Variants in TOX3 observed in about 807,000 individuals in gnomAD.
The protein encoded by TOX3 is TOX high mobility group box family member 3, also known as CAG trinucleotide repeat-containing gene F9 protein.
Under a neutral mutation model 64.3 loss-of-function variants are expected in TOX3, and 22 were observed. That is an observed-to-expected ratio of 0.34 (90% CI 0.24 to 0.49). The LOEUF is 0.49. TOX3 is among the 20% of genes least tolerant of loss of function. TOX3 has a pLI of 0.99. For synonymous variants in TOX3, 291 were observed against 273.6 expected, an observed-to-expected ratio of 1.06 and a Z score of -0.63; for missense variants, 661 against 714.4, an observed-to-expected ratio of 0.93 and a Z score of 0.85.
chr16:52,461,409 C>G (rs2151753846), intron 3 of TOX3, among the ~76,000 whole-genome samples: 1 of 152,216 alleles, frequency 6.6e-6, no homozygotes, highest in Middle Eastern at 3.4e-3. Context: ...TCACTGGACT[C>G]TTTTTAATCC....
At chr16:52,476,499 T>A (rs894381499) in intron 1 of TOX3, among the ~76,000 whole-genome samples, 1 of 152,040 alleles carries the variant, frequency 6.6e-6, no homozygotes, top group African/African-American at 2.4e-5. Context: ...GGAAGTTTTT[T>A]CTTGCTTTTT....
At chr16:52,487,928 C>T (rs1390329731) in intron 1 of TOX3, among the ~76,000 whole-genome samples, 1 of 152,042 alleles carries the variant, frequency 6.6e-6, no homozygotes, top group East Asian at 1.9e-4. Context: ...AGCAAATTTT[C>T]CCCCACAATT....
rs373453959 is a variant in TOX3 at position 52,437,735 on chromosome 16, C to T, written c.*1490G>A. ...CATTACAATACCCAGCTAGTTCTAGCCCCCTCAAAAAAGCGATTACTTTTT... is the reference window on the plus strand; with the variant it reads ...CATTACAATACCCAGCTAGTTCTAGTCCCCTCAAAAAAGCGATTACTTTTT... On this transcript the variant is annotated 3_prime_UTR_variant, in exon 7 of 7. Transcript: ENST00000219746. Among the ~76,000 whole-genome samples the T allele has an allele frequency of 6.7e-6, 1 of 148,320 alleles. No homozygotes were observed.
At chr16:52,478,305 GTTCT>G (rs769664838) in intron 1 of TOX3, among the ~76,000 whole-genome samples, 46 of 152,176 alleles carry the variant, frequency 3.0e-4, no homozygotes, top group Admixed American at 6.5e-4. Flanking sequence ...CTGGTCCTCA[GTTCT>G]TTCTCTGGGC....
At chr16:52,495,389 T>C (rs1961817916) in intron 1 of TOX3, among the ~76,000 whole-genome samples, 1 of 152,200 alleles carries the variant, frequency 6.6e-6, no homozygotes, top group South Asian at 2.1e-4. Flanking sequence ...GAAAGGAAGG[T>C]AAGTACTAAA....
intron 1 of TOX3, among the ~76,000 whole-genome samples, chr16:52,472,758 A>C (rs909556030): frequency 2.6e-5 from 4 of 152,208 alleles, no homozygotes; most frequent in African/African-American, 9.7e-5. Context: ...CAACTGTTTT[A>C]AAGACACATA....
chr16:52,484,255 T>C (rs982096675), intron 1 of TOX3, among the ~76,000 whole-genome samples: 62 of 152,320 alleles, frequency 4.1e-4, no homozygotes, highest in African/African-American at 1.4e-3. Context: ...GTGTCTCAAA[T>C]TTGTCAATTT....
At chr16:52,495,433 C>T (rs56085741) in intron 1 of TOX3, among the ~76,000 whole-genome samples, 2,789 of 152,292 alleles carry the variant, frequency 0.018, 95 homozygotes, top group African/African-American at 0.062. Context: ...TCAAATCTCA[C>T]CAGGCCTAAA....
chr16:52,477,801 TG>T (rs2151446473), intron 1 of TOX3, among the ~76,000 whole-genome samples: 1 of 152,304 alleles, frequency 6.6e-6, no homozygotes, highest in East Asian at 1.9e-4. Flanking sequence ...GAGGATTAAA[TG>T]GGTAAGTATT....
At chr16:52,488,284 C>A (rs1183790866) in intron 1 of TOX3, among the ~76,000 whole-genome samples, 1 of 152,208 alleles carries the variant, frequency 6.6e-6, no homozygotes, top group Admixed American at 6.5e-5. Flanking sequence ...ACCTCACCTA[C>A]TGCAGGAACT....
chr16:52,486,294 G>C (rs1247375874), intron 1 of TOX3, among the ~76,000 whole-genome samples: 1 of 152,186 alleles, frequency 6.6e-6, no homozygotes, highest in Non-Finnish European at 1.5e-5. Context: ...GGGAAGCCTA[G>C]CAAGGGTGGG....
At chr16:52,480,566 A>G (rs1339532484) in intron 1 of TOX3, among the ~76,000 whole-genome samples, 3 of 152,250 alleles carry the variant, frequency 2.0e-5, no homozygotes, top group African/African-American at 7.2e-5. Context: ...AATGTTCCTC[A>G]GTATTTTTAA....
chr16:52,536,884 CAT>C (rs1458388036), intron 1 of TOX3, among the ~76,000 whole-genome samples: 1 of 150,756 alleles, frequency 6.6e-6, no homozygotes, highest in African/African-American at 2.4e-5. Flanking sequence ...TATATATACA[CAT>C]GTGTGCACAT....
chr16:52,521,112 C>G (rs556874918), intron 1 of TOX3, among the ~76,000 whole-genome samples: 91 of 152,250 alleles, frequency 6.0e-4, no homozygotes, highest in East Asian at 3.5e-3. Flanking sequence ...CTCTCTCTTC[C>G]CCTATAATGT....
At chr16:52,472,874 G>C (rs568935742) in intron 1 of TOX3, among the ~76,000 whole-genome samples, 1 of 152,146 alleles carries the variant, frequency 6.6e-6, no homozygotes, top group Non-Finnish European at 1.5e-5. Context: ...CCCAAAGATA[G>C]AGTCCCCAAA....
intron 2 of TOX3, among the ~76,000 whole-genome samples, chr16:52,464,853 T>G (rs954587349): frequency 2.0e-4 from 30 of 152,098 alleles, no homozygotes; most frequent in Non-Finnish European, 3.4e-4. Flanking sequence ...TAATATGTAT[T>G]TATCTGAACA....
At chr16:52,519,281 C>T in intron 1 of TOX3, 1 of 995,046 alleles carries the variant, frequency 1.0e-6, no homozygotes, top group Non-Finnish European at 1.4e-6. Context: ...TTCCCAACCA[C>T]TTTCATCTTA....
intron 4 of TOX3, among the ~76,000 whole-genome samples, chr16:52,448,937 C>T (rs1960251832): frequency 6.6e-6 from 1 of 152,316 alleles, no homozygotes; most frequent in South Asian, 2.1e-4. Context: ...GGTTGCTCCT[C>T]TCATTTGCTG....
At chr16:52,515,186 A>T (rs1596848417) in intron 1 of TOX3, among the ~76,000 whole-genome samples, 1 of 83,198 alleles carries the variant, frequency 1.2e-5, no homozygotes, top group South Asian at 3.7e-4. Context: ...TATGAATGTT[A>T]AAAAAAAAAA....
Sources: allele counts gnomAD v4.1 joint callset (sites outside exome capture counted in the v4.1 genomes callset), GRCh38; gene constraint gnomAD v4.1.1; transcripts MANE v1.5; gene names NCBI Gene and HGNC (gene_info 2026-07-23, HGNC 2026-07-21).